The following TNS3 variants were observed in gnomAD, a reference collection of about 807,000 sequenced individuals.
TNS3 encodes the protein tensin-3.
Under a neutral mutation model 140.9 loss-of-function variants are expected in TNS3, and 45 were observed. The ratio of observed to expected loss-of-function variants is 0.32; its 90% CI spans 0.25 to 0.41. The LOEUF is 0.41. Among genes scored for constraint, TNS3 ranks in the 10% least tolerant of loss-of-function variants. The pLI is 1.00. For synonymous variants in TNS3, 815 were observed against 788.4 expected (o/e 1.03, Z -0.56); for missense variants, 1,716 against 1,906.7 (o/e 0.90, Z 1.86).
At chr7:47,294,233 T>C (rs1785877392) in intron 24 of TNS3, among the ~76,000 whole-genome samples, 1 of 152,154 alleles carries the variant, frequency 6.6e-6, no homozygotes, top group Non-Finnish European at 1.5e-5. Flanking sequence ...ATGATACCTA[T>C]AATGAATCAC....
At chr7:47,364,139 C>T (rs1455006547) in intron 17 of TNS3, among the ~76,000 whole-genome samples, 1 of 152,062 alleles carries the variant, frequency 6.6e-6, no homozygotes, top group Non-Finnish European at 1.5e-5. Flanking sequence ...TAGCCATTTC[C>T]TATTGAGAAA....
At position 47,292,815 on chromosome 7, in the gene TNS3, G is replaced by A. The variant is rs956787951; in HGVS notation, c.3850+13C>T. On this transcript the variant is annotated intron_variant, in intron 26 of 30. Transcript: ENST00000311160. ...ATCTACACAGAGCCTGACTAGCACT[G>A]AGGACCCCTTACCTCTCTCTGGGAT... The A allele has an allele frequency of 6.2e-7, 1 of 1,613,482 alleles. No individual in the cohort carries two copies. The highest frequency in any genetic ancestry group is 8.5e-7 in the Non-Finnish European group (1 of 1,179,530).
intron 1 of TNS3, among the ~76,000 whole-genome samples, chr7:47,548,316 A>G (rs1392994949): frequency 6.6e-6 from 1 of 152,008 alleles, no homozygotes; most frequent in Non-Finnish European, 1.5e-5. Context: ...ATGCCTACCC[A>G]GCCTTCCCAT....
intron 4 of TNS3, among the ~76,000 whole-genome samples, chr7:47,447,785 G>A (rs889103065): frequency 1.3e-5 from 2 of 152,070 alleles, no homozygotes; most frequent in Admixed American, 6.5e-5. Context: ...ACCCCACCAC[G>A]CGCCATTTGC....
In TNS3 at chr7:47,275,868, G is replaced by C. The variant is rs887902480; in HGVS notation, c.*2208C>G. 5 of 455,846 alleles carry C rather than the reference G, an allele frequency of 1.1e-5. No individual in the cohort carries two copies. Among genetic ancestry groups the C allele is most frequent in the African/African-American group, 1.0e-4 (5 of 50,050 alleles). The allele number at this position is 455,846 out of a possible 1,614,324, so 28.2% of individuals were successfully genotyped here. A position where few individuals can be genotyped will look rare whatever the true frequency, so the allele number is the denominator to read the frequency against. On this transcript the variant is annotated 3_prime_UTR_variant, in exon 31 of 31. Coordinates refer to ENST00000311160, the MANE Select transcript of TNS3 (RefSeq NM_022748.12). Reference sequence around the variant, plus strand: ...GGCATGGCTTCATGAGGGCCATCGCGGGCACCCCGATGTCTCTGTGATTCC... The same window carrying C: ...GGCATGGCTTCATGAGGGCCATCGCCGGCACCCCGATGTCTCTGTGATTCC...
At chr7:47,549,503 A>C (rs535185969) in intron 1 of TNS3, among the ~76,000 whole-genome samples, 142 of 152,112 alleles carry the variant, frequency 9.3e-4, no homozygotes, top group Non-Finnish European at 1.4e-3. Context: ...CAAAAAAAAA[A>C]GTTCTCTTCA....
At chr7:47,557,344 T>A (rs960116389) in intron 1 of TNS3, among the ~76,000 whole-genome samples, 2 of 152,228 alleles carry the variant, frequency 1.3e-5, no homozygotes, top group African/African-American at 4.8e-5. Context: ...CCATCAAACC[T>A]GCCTGCAGCG....
intron 24 of TNS3, among the ~76,000 whole-genome samples, chr7:47,295,700 C>A (rs543679000): frequency 6.6e-6 from 1 of 152,168 alleles, no homozygotes; most frequent in Non-Finnish European, 1.5e-5. Flanking sequence ...CCCAGCCTCA[C>A]TCCCCACCCC....
At chr7:47,456,531 G>A (rs1468523963) in intron 4 of TNS3, among the ~76,000 whole-genome samples, 10 of 152,118 alleles carry the variant, frequency 6.6e-5, no homozygotes, top group Non-Finnish European at 1.2e-4. Context: ...TGCTCAACAC[G>A]TGCCAGCTTT....
At chr7:47,518,639 G>C (rs1379091749) in intron 2 of TNS3, among the ~76,000 whole-genome samples, 1 of 151,714 alleles carries the variant, frequency 6.6e-6, no homozygotes, top group Non-Finnish European at 1.5e-5. Context: ...AAACAGCCTG[G>C]GCAACAGTAA....
intron 1 of TNS3, among the ~76,000 whole-genome samples, chr7:47,552,867 A>G (rs141666770): frequency 2.5e-4 from 38 of 152,364 alleles, no homozygotes; most frequent in Admixed American, 1.4e-3. Context: ...TCTCATGCCA[A>G]ACAGTTAGCC....
At chr7:47,453,005 G>T in intron 4 of TNS3, 1 of 985,480 alleles carries the variant, frequency 1.0e-6, no homozygotes, top group Non-Finnish European at 1.2e-6. Context: ...CCTACGTTTC[G>T]CTCCTTCCCC....
At chr7:47,451,606 C>T (rs1159728100) in intron 4 of TNS3, among the ~76,000 whole-genome samples, 1 of 152,038 alleles carries the variant, frequency 6.6e-6, no homozygotes, top group African/African-American at 2.4e-5. Flanking sequence ...TCAAAAGAAA[C>T]AAAAGCCACG....
intron 16 of TNS3, among the ~76,000 whole-genome samples, chr7:47,380,248 C>T (rs372448692): frequency 2.6e-5 from 4 of 152,352 alleles, no homozygotes; most frequent in East Asian, 3.9e-4. Context: ...CACACCAGCA[C>T]GCCGGTGCAG....
chr7:47,424,110 G>A lies in TNS3; in HGVS notation c.464C>T (p.Ser155Phe). 1 of 1,614,154 alleles carries A rather than the reference G, an allele frequency of 6.2e-7. No individual in the cohort carries two copies. The highest frequency in any genetic ancestry group is 8.5e-7 in the Non-Finnish European group (1 of 1,180,028). ...GGGGATCTATACATACCGTTTTTGG[G>A]AAGGCTGCATTAAAGCTGAAACTTT... ...DDKVSALMQP[S>F]QKRYVQFLSG... Residue 155 changes from serine (S) to phenylalanine (F), a missense_variant, in exon 10 of 31, where the codon TCC becomes TTC. Around this residue, in one of 3 missense-constraint regions of TNS3, gnomAD observed 337 missense variants for 428.9 expected, o/e 0.79. Transcript: ENST00000311160.
At chr7:47,556,209 A>G (rs542259358) in intron 1 of TNS3, among the ~76,000 whole-genome samples, 21 of 152,330 alleles carry the variant, frequency 1.4e-4, no homozygotes, top group African/African-American at 4.1e-4. Flanking sequence ...CCTGTTGACA[A>G]TTGAGCAGTA....
intron 1 of TNS3, among the ~76,000 whole-genome samples, chr7:47,566,378 G>A (rs1404206246): frequency 6.6e-6 from 1 of 152,190 alleles, no homozygotes; most frequent in Non-Finnish European, 1.5e-5. Context: ...CTCTTACAGA[G>A]TCAGGGTTTG....
intron 2 of TNS3, among the ~76,000 whole-genome samples, chr7:47,526,959 G>A (rs1209847511): frequency 1.3e-5 from 2 of 152,052 alleles, no homozygotes; most frequent in African/African-American, 4.8e-5. Context: ...CTGGCCGGGC[G>A]TGGTGGCTCA....
chr7:47,483,850 G>A (rs1562793369), intron 3 of TNS3, among the ~76,000 whole-genome samples: 1 of 152,202 alleles, frequency 6.6e-6, no homozygotes, highest in Non-Finnish European at 1.5e-5. Context: ...CAATCTTGTC[G>A]AACTCCATCC....
Sources: gnomAD v4.1 joint callset for allele counts (sites outside exome capture counted in the v4.1 genomes callset) on GRCh38, gnomAD v4.1.1 for gene constraint, gnomAD v4.1.1 regional missense constraint, MANE v1.5 for transcripts, NCBI Gene and HGNC (gene_info 2026-07-23, HGNC 2026-07-21) for gene names.